The following OSBPL10 variants were observed in gnomAD, a reference collection of about 807,000 sequenced individuals.
OSBPL10 encodes oxysterol-binding protein-related protein 10.
In OSBPL10, 49 loss-of-function variants were observed where a neutral mutation model predicts 81.7. The observed-to-expected ratio is 0.60, with a 90% CI of 0.48 to 0.76. The LOEUF (loss-of-function observed/expected upper bound fraction) is 0.76, where lower values mean the gene tolerates loss of function less well. Among genes scored for constraint, OSBPL10 ranks in the 30% least tolerant of loss-of-function variants. The probability of loss-of-function intolerance (pLI) is 0.00; values close to 1 mark genes in which losing one functional copy is unlikely to be tolerated. For missense variants in OSBPL10, 923 were observed against 987.8 expected (o/e 0.93, Z 0.88); for synonymous variants, 419 against 383.6 (o/e 1.09, Z -1.08).
intron 4 of OSBPL10, among the ~76,000 whole-genome samples, chr3:31,809,084 A>C (rs1699598229): frequency 6.6e-6 from 1 of 152,224 alleles, no homozygotes; most frequent in Non-Finnish European, 1.5e-5. Context: ...TACTATTTAG[A>C]ATTATTTTAG....
In OSBPL10 at chr3:31,662,125, GA is replaced by G; in HGVS notation, c.2251-10del. ...TATACCCAGCCATCGCCCTGCAAGA[GA>G]AGAAAGGAGGCATTATTACATGGAG... On this transcript the variant is annotated splice_polypyrimidine_tract_variant and intron_variant, in intron 11 of 11. Coordinates refer to ENST00000396556, the MANE Select transcript of OSBPL10 (RefSeq NM_017784.5). 1 of 1,614,028 alleles carries G rather than the reference GA, an allele frequency of 6.2e-7. No homozygotes were observed. Among genetic ancestry groups the G allele is most frequent in the South Asian group, 1.1e-5 (1 of 91,048 alleles).
intron 4 of OSBPL10, among the ~76,000 whole-genome samples, chr3:31,798,791 T>C (rs1332729785): frequency 6.6e-6 from 1 of 152,190 alleles, no homozygotes; most frequent in Non-Finnish European, 1.5e-5. Context: ...CTTCAAGTCC[T>C]GTATACAAAG....
intron 4 of OSBPL10, among the ~76,000 whole-genome samples, chr3:31,778,084 T>TG (rs1205660308): frequency 6.6e-6 from 1 of 152,080 alleles, no homozygotes; most frequent in Non-Finnish European, 1.5e-5. Context: ...TATGGGCAGA[T>TG]GGGGAAGGGT....
At chr3:31,934,441 C>T (rs1194814562) in intron 1 of OSBPL10, among the ~76,000 whole-genome samples, 2 of 149,102 alleles carry the variant, frequency 1.3e-5, no homozygotes, top group African/African-American at 5.0e-5. Flanking sequence ...CAAAGTCTCG[C>T]TCTGGCGCCC....
At chr3:31,721,517 G>C (rs1696644253) in intron 6 of OSBPL10, 2 of 152,164 alleles carry the variant, frequency 1.3e-5, no homozygotes, top group Admixed American at 1.3e-4. Flanking sequence ...GAAAACCCAG[G>C]CAAGACACCA....
rs1697584635 is a variant in OSBPL10 at position 31,943,194 on chromosome 3, C to CT, written c.281+37704dup. On this transcript the variant is annotated intron_variant, in intron 1 of 11. Coordinates refer to ENST00000396556, the MANE Select transcript of OSBPL10 (RefSeq NM_017784.5). ...TGCCACATGTATCAGAGCTACATTC[C>CT]TTTTCATGACTAAATAATATTCCAT... 3.9e-5 allele frequency among the ~76,000 whole-genome samples: 6 copies of CT among 152,302 alleles called. No individual in the cohort carries two copies. In the South Asian group the frequency reaches 1.2e-3, roughly 32 times the overall value.
At chr3:31,832,449 T>C (rs1700267782) in intron 3 of OSBPL10, among the ~76,000 whole-genome samples, 1 of 152,230 alleles carries the variant, frequency 6.6e-6, no homozygotes, top group South Asian at 2.1e-4. Flanking sequence ...AAAGGCAAGT[T>C]AGATAATGTG....
chr3:31,961,994 G>A lies in OSBPL10; in HGVS notation c.281+18905C>T, dbSNP rs574932376. On this transcript the variant is annotated intron_variant, in intron 1 of 11. Coordinates refer to ENST00000396556, the MANE Select transcript of OSBPL10 (RefSeq NM_017784.5). ...TTTTGAGACGGAGTCTCGCTCTGTC[G>A]CCCAGGCTGGAGTGCAGTGGTGTGA... is the stretch of plus-strand genomic sequence containing the variant. Among the ~76,000 whole-genome samples the A allele has an allele frequency of 4.3e-3, 627 of 145,120 alleles. 7 individuals are homozygous for A. The highest frequency in any genetic ancestry group is 0.023 in the Middle Eastern group (5 of 222).
intron 5 of OSBPL10, 120 bp from the exon 6 acceptor site, chr3:31,733,531 G>A (rs889589057): frequency 4.9e-6 from 6 of 1,219,378 alleles, no homozygotes; most frequent in Admixed American, 1.9e-5. Flanking sequence ...GTAAAACACA[G>A]AGGGCTTGTT....
intron 4 of OSBPL10, among the ~76,000 whole-genome samples, chr3:31,786,354 A>G (rs1698858171): frequency 6.6e-6 from 1 of 152,256 alleles, no homozygotes; most frequent in South Asian, 2.1e-4. Flanking sequence ...TCACGTTTTA[A>G]AAAGCCTTCT....
chr3:31,685,956 G>T (rs1025628517), intron 7 of OSBPL10, among the ~76,000 whole-genome samples: 1 of 152,120 alleles, frequency 6.6e-6, no homozygotes, highest in Non-Finnish European at 1.5e-5. Context: ...TAGGTAATGG[G>T]AGCAGATCCC....
intron 1 of OSBPL10, among the ~76,000 whole-genome samples, chr3:31,892,710 G>C (rs1695932463): frequency 6.6e-6 from 1 of 152,176 alleles, no homozygotes; most frequent in Non-Finnish European, 1.5e-5. Context: ...GCTGCCTGAG[G>C]GAGAGGGAGA....
At chr3:31,907,008 GC>G in intron 1 of OSBPL10, 1 of 152,278 alleles carries the variant, frequency 6.6e-6, no homozygotes, top group South Asian at 2.1e-4. Context: ...TACACAGTCT[GC>G]CTCTGAATTA....
chr3:31,683,669 A>G lies in OSBPL10; in HGVS notation c.1691T>C (p.Met564Thr). The G allele has an allele frequency of 6.2e-7, 1 of 1,613,884 alleles. No homozygotes were observed. The highest frequency in any genetic ancestry group is 8.5e-7 in the Non-Finnish European group (1 of 1,179,788). The change falls in exon 8 of 12, where the codon ATG (methionine) becomes ACG (threonine). Residue 564 changes from methionine (M) to threonine (T), a missense_variant. Around this residue, in one of 3 missense-constraint regions of OSBPL10, gnomAD observed 387 missense variants for 436.3 expected, o/e 0.89. Coordinates refer to ENST00000396556, the MANE Select transcript of OSBPL10 (RefSeq NM_017784.5). ...NTHVWTKSKF[M>T]GMSVGVSMIG... ...CATAGAGACCCCCACGGACATGCCC[A>G]TGAACTTGCTTTTGGTCCATACATG...
At chr3:31,855,060 C>T (rs1403037246) in intron 3 of OSBPL10, among the ~76,000 whole-genome samples, 1 of 152,140 alleles carries the variant, frequency 6.6e-6, no homozygotes, top group Admixed American at 6.5e-5. Flanking sequence ...AGGGATCTTG[C>T]TGTGTCCCCA....
chr3:31,712,593 A>G (rs896656884), intron 6 of OSBPL10, among the ~76,000 whole-genome samples: 2 of 152,366 alleles, frequency 1.3e-5, no homozygotes, highest in African/African-American at 4.8e-5. Context: ...TAGAAACTGG[A>G]AAAGCCAAGG....
At chr3:31,768,214 C>T (rs1698260450) in intron 4 of OSBPL10, among the ~76,000 whole-genome samples, 1 of 152,082 alleles carries the variant, frequency 6.6e-6, no homozygotes, top group Admixed American at 6.6e-5. Flanking sequence ...TTATAATTAG[C>T]ATATGACCAG....
chr3:31,737,169 C>T (rs1697201726), intron 5 of OSBPL10, among the ~76,000 whole-genome samples: 1 of 152,044 alleles, frequency 6.6e-6, no homozygotes, highest in African/African-American at 2.4e-5. Flanking sequence ...CTATGAATTC[C>T]GAATATCAAA....
chr3:32,030,593 C>G, intron 2 of OSBPL10: 1 of 1,106,718 alleles, frequency 9.0e-7, no homozygotes. Flanking sequence ...CGCCCGCCTG[C>G]TCCACCCAGA....
Sources: allele counts gnomAD v4.1 joint callset (sites outside exome capture counted in the v4.1 genomes callset), GRCh38; gene constraint gnomAD v4.1.1; regional missense constraint gnomAD v4.1.1; transcripts MANE v1.5; gene names NCBI Gene and HGNC (gene_info 2026-07-23, HGNC 2026-07-21).